The following COBL variants were observed in gnomAD, a reference collection of about 807,000 sequenced individuals.
The protein encoded by COBL is protein cordon-bleu.
Under a neutral mutation model 98.8 loss-of-function variants are expected in COBL, and 51 were observed. The observed-to-expected ratio is 0.52, with a 90% CI of 0.41 to 0.65. COBL has a LOEUF of 0.65. COBL is among the 30% of genes least tolerant of loss of function. COBL has a pLI of 0.00. For synonymous variants in COBL, 634 were observed against 651.7 expected, an observed-to-expected ratio of 0.97 and a Z score of 0.41; for missense variants, 1,617 against 1,617.5, an observed-to-expected ratio of 1.00 and a Z score of 0.01.
chr7:51,123,806 G>C (rs930262304), intron 6 of COBL, among the ~76,000 whole-genome samples: 2 of 152,076 alleles, frequency 1.3e-5, no homozygotes, highest in Admixed American at 1.3e-4. Flanking sequence ...GCAGTGCTAC[G>C]CCATGTGACA....
chr7:51,219,822 T>G lies in COBL; in HGVS notation c.164A>C (p.Lys55Thr), dbSNP rs561777665. 6.2e-7 allele frequency: 1 copy of G among 1,614,096 alleles called. No homozygotes were observed. The highest frequency in any genetic ancestry group is 1.3e-5 in the African/African-American group (1 of 75,036). The change falls in exon 2 of 13, where the codon AAG becomes ACG. Residue 55 changes from lysine (K) to threonine (T), a missense_variant. Coordinates refer to ENST00000265136, the MANE Select transcript of COBL (RefSeq NM_015198.5). Reference protein sequence around the residue: ...LGSQQNLVRMKEALRASTMDV... With the variant: ...LGSQQNLVRMTEALRASTMDV... ...CATGGTGCTGGCCCTCAGCGCCTCC[T>G]TCATGCGAACCAAGTTCTGCTGCGA... is the stretch of plus-strand genomic sequence containing the variant.
chr7:51,081,098 C>A (rs192290614), intron 7 of COBL, among the ~76,000 whole-genome samples: 2 of 150,906 alleles, frequency 1.3e-5, no homozygotes, highest in East Asian at 3.9e-4. Flanking sequence ...GGGGCAGGAG[C>A]GGGGCAGGAG....
chr7:51,240,687 C>T (rs1795705430), intron 1 of COBL, among the ~76,000 whole-genome samples: 1 of 138,992 alleles, frequency 7.2e-6, no homozygotes, highest in South Asian at 2.4e-4. Flanking sequence ...GCTGGGATTA[C>T]AGGCACGCAC....
chr7:51,099,671 C>T (rs1433557422), intron 6 of COBL, among the ~76,000 whole-genome samples: 1 of 151,790 alleles, frequency 6.6e-6, no homozygotes, highest in African/African-American at 2.4e-5. Context: ...CTAGAGGTGC[C>T]TATATTAAAC....
Position 51,175,006 on chromosome 7 carries a change from CCA to C in COBL, c.783+9094_783+9095del, listed in dbSNP as rs1788235630. On this transcript the variant is annotated intron_variant, in intron 5 of 12. Coordinates refer to ENST00000265136, the MANE Select transcript of COBL (RefSeq NM_015198.5). ...CCAGCAACATATTGGGTCCCCAGCT[CCA>C]GAGGATCCCGGGGTGCAAAGGGTGA... is the stretch of plus-strand genomic sequence containing the variant. Among the ~76,000 whole-genome samples the C allele has an allele frequency of 4.6e-5, 7 of 152,306 alleles. No homozygotes were observed. The South Asian group carries it at 1.5e-3, about 32-fold the overall frequency.
At chr7:51,209,132 C>T (rs1792151959) in intron 2 of COBL, among the ~76,000 whole-genome samples, 1 of 151,814 alleles carries the variant, frequency 6.6e-6, no homozygotes, top group South Asian at 2.1e-4. Context: ...CTCCGTGACC[C>T]TGAGCATGAG....
chr7:51,031,119 T>A (rs1562819944), intron 8 of COBL: 1 of 577,078 alleles, frequency 1.7e-6, no homozygotes. Flanking sequence ...ATGTGTGGGA[T>A]GCGTGTAGCG....
At chr7:51,073,500 C>A in intron 7 of COBL, 1 of 499,128 alleles carries the variant, frequency 2.0e-6, no homozygotes, top group Non-Finnish European at 3.6e-6. Context: ...AGCAAGCGTT[C>A]TATCAGCCAA....
intron 5 of COBL, among the ~76,000 whole-genome samples, chr7:51,140,024 T>C (rs1173516334): frequency 1.3e-5 from 2 of 152,156 alleles, no homozygotes; most frequent in Non-Finnish European, 2.9e-5. Context: ...TCTTTTTTTG[T>C]AGGGAAGTGA....
chr7:51,294,331 A>AATAAATAAAAAT (rs1157898470), intron 1 of COBL, among the ~76,000 whole-genome samples: 1 of 129,942 alleles, frequency 7.7e-6, no homozygotes, highest in Non-Finnish European at 1.7e-5. Flanking sequence ...TAAATAAATA[A>AATAAATAAAAAT]AAATAAATAA....
chr7:51,253,264 T>G (rs1796902449), intron 1 of COBL, among the ~76,000 whole-genome samples: 1 of 150,738 alleles, frequency 6.6e-6, no homozygotes, highest in Non-Finnish European at 1.5e-5. Context: ...TCTTCTGAAT[T>G]TATTAAGGTG....
chr7:51,292,212 C>T (rs1429740879), intron 1 of COBL, among the ~76,000 whole-genome samples: 2 of 151,514 alleles, frequency 1.3e-5, no homozygotes, highest in Non-Finnish European at 2.9e-5. Context: ...ATTAATGGAC[C>T]CATACGATTT....
chr7:51,279,466 A>C (rs2129174523), intron 1 of COBL, among the ~76,000 whole-genome samples: 1 of 152,322 alleles, frequency 6.6e-6, no homozygotes, highest in South Asian at 2.1e-4. Context: ...TTTTTCTAAA[A>C]TAGACTTTTT....
chr7:51,017,148 A>G lies in COBL; in HGVS notation c.*403T>C, dbSNP rs1786354236. On this transcript the variant is annotated 3_prime_UTR_variant, in exon 13 of 13. Transcript: ENST00000265136. Reference sequence around the variant, plus strand: ...TCTAAAATTCAAAAGATCTTAAATCAGTAAGTAGTTTCATCCATCTGTATG... The same window carrying G: ...TCTAAAATTCAAAAGATCTTAAATCGGTAAGTAGTTTCATCCATCTGTATG... The G allele has an allele frequency of 2.3e-6, 1 of 436,938 alleles. No individual in the cohort carries two copies. The highest frequency in any genetic ancestry group is 4.0e-6 in the Non-Finnish European group (1 of 249,610). 27.1% of individuals were successfully genotyped at this position (436,938 alleles called of 1,614,324 possible). A position where few individuals can be genotyped will look rare whatever the true frequency, so the allele number is the denominator to read the frequency against.
At chr7:51,041,478 CTT>C (rs773830122) in intron 8 of COBL, among the ~76,000 whole-genome samples, 7 of 80,022 alleles carry the variant, frequency 8.7e-5, no homozygotes, top group Non-Finnish European at 1.6e-4. Context: ...TATTTCTTTC[CTT>C]TTTTTTTTTT....
Position 51,043,366 on chromosome 7 carries a change from T to A in COBL, c.1406+17A>T. 6.2e-7 allele frequency: 1 copy of A among 1,611,396 alleles called. No homozygotes were observed. Among genetic ancestry groups the A allele is most frequent in the Non-Finnish European group, 8.5e-7 (1 of 1,178,244 alleles). On this transcript the variant is annotated intron_variant, in intron 8 of 12. Transcript: ENST00000265136. ...TGGCTGTGACTTCCGTACCCACCCA[T>A]CCTTCCCGTGACTCACCTCAGATGT...
intron 1 of COBL, among the ~76,000 whole-genome samples, chr7:51,254,496 G>T (rs527295469): frequency 2.6e-4 from 39 of 152,172 alleles, no homozygotes; most frequent in South Asian, 8.3e-4. Context: ...AAACAAATTG[G>T]CCAACATTCA....
intron 6 of COBL, among the ~76,000 whole-genome samples, chr7:51,098,113 G>A (rs752887159): frequency 9.3e-5 from 14 of 149,932 alleles, no homozygotes; most frequent in Non-Finnish European, 2.1e-4. Context: ...TGGAATTAGA[G>A]AAGACACAAT....
At chr7:51,260,051 C>A (rs555702242) in intron 1 of COBL, 2 of 949,134 alleles carry the variant, frequency 2.1e-6, no homozygotes, top group South Asian at 2.7e-5. Flanking sequence ...TCCTCTGCTC[C>A]TTCTTCTCCA....
Sources: gnomAD v4.1 joint callset for allele counts (sites outside exome capture counted in the v4.1 genomes callset) on GRCh38, gnomAD v4.1.1 for gene constraint, MANE v1.5 for transcripts, NCBI Gene and HGNC (gene_info 2026-07-23, HGNC 2026-07-21) for gene names.